The following SLC34A1 variants were observed in gnomAD, a reference collection of about 807,000 sequenced individuals.
SLC34A1 encodes the protein sodium-dependent phosphate transport protein 2A.
A neutral mutation model predicts 51.4 loss-of-function variants in SLC34A1; 57 were observed. The ratio of observed to expected loss-of-function variants is 1.11; its 90% CI spans 0.90 to 1.38. SLC34A1 has a LOEUF of 1.38. Ranked by LOEUF, SLC34A1 falls within the 40% of genes most tolerant of loss-of-function variation. SLC34A1 has a pLI of 0.00. For synonymous variants in SLC34A1, 368 were observed against 358.0 expected (o/e 1.03, Z -0.32); for missense variants, 796 against 835.6 (o/e 0.95, Z 0.58).
At position 177,393,908 on chromosome 5, in the gene SLC34A1, C is replaced by T. The variant is rs930367777; in HGVS notation, c.1007-120C>T. The T allele has an allele frequency of 5.5e-5, 83 of 1,502,550 alleles. No homozygotes were observed. In the African/African-American group the frequency reaches 8.5e-4, roughly 15 times the overall value. 93.1% of individuals were successfully genotyped at this position (1,502,550 alleles called of 1,614,324 possible). A position where few individuals can be genotyped will look rare whatever the true frequency, so the allele number is the denominator to read the frequency against. ...CAGCTCCTGAGCCTGGGTCAAGCTC[C>T]GGTGTTGAGGCTCAAGGAGCCTGAG... On this transcript the variant is annotated intron_variant, in intron 9 of 12. Coordinates refer to ENST00000324417, the MANE Select transcript of SLC34A1 (RefSeq NM_003052.5).
chr5:177,391,065 A>C (rs558653396), intron 8 of SLC34A1, among the ~76,000 whole-genome samples: 2 of 152,068 alleles, frequency 1.3e-5, no homozygotes, highest in Admixed American at 1.3e-4. Flanking sequence ...CACAGAGCCC[A>C]CCACCCGCTT....
At position 177,385,014 on chromosome 5, in the gene SLC34A1, G is replaced by A. The variant is rs117832432; in HGVS notation, c.-48+527G>A. Among the ~76,000 whole-genome samples the A allele has an allele frequency of 2.3e-3, 350 of 152,292 alleles. 8 individuals are homozygous for A. The East Asian group carries it at 0.056, about 24-fold the overall frequency. On this transcript the variant is annotated intron_variant, in intron 1 of 12. Transcript: ENST00000324417. ...ATAGCCAAGACTCCTGGGGCAGTGC[G>A]GGGACAAGGGGGGGCTGAGGCAAGC...
In SLC34A1 at chr5:177,386,455, G is replaced by A. The variant is rs138719745; in HGVS notation, c.421G>A (p.Ala141Thr). ...KVAGDIFKDN[A>T]ILSNPVAGLV... The stretch of plus-strand genomic sequence containing the variant: ...GGCTGGTGACATCTTCAAGGATAAC[G>A]CCATCCTGTCCAACCCGGTGGCCGG... The change falls in exon 5 of 13, where the codon GCC becomes ACC. Residue 141 changes from alanine to threonine, a missense_variant. Coordinates refer to ENST00000324417, the MANE Select transcript of SLC34A1 (RefSeq NM_003052.5). The surrounding 1 kb of genome is among the most constrained non-coding windows in gnomAD (Gnocchi z 4.8). 2.6e-5 allele frequency: 42 copies of A among 1,614,006 alleles called. No homozygotes were observed. Among genetic ancestry groups the A allele is most frequent in the African/African-American group, 1.5e-4 (11 of 74,940 alleles).
At chr5:177,394,878 C>G (rs140486387) in intron 10 of SLC34A1, among the ~76,000 whole-genome samples, 4,178 of 151,674 alleles carry the variant, frequency 0.028, 91 homozygotes, top group East Asian at 0.091. Context: ...TATTTTTAGT[C>G]GAGACAGGGT....
intron 12 of SLC34A1, chr5:177,397,462 G>A: frequency 1.9e-6 from 1 of 516,892 alleles, no homozygotes; most frequent in Non-Finnish European, 3.5e-6. Flanking sequence ...GACTGAATGA[G>A]GGTCCAGAAA....
At chr5:177,387,108 T>G (rs111689041) in intron 5 of SLC34A1, among the ~76,000 whole-genome samples, 3 of 151,870 alleles carry the variant, frequency 2.0e-5, no homozygotes, top group South Asian at 2.1e-4. Context: ...CAGTGGCTCA[T>G]GCCTGTAATC....
intron 8 of SLC34A1, among the ~76,000 whole-genome samples, chr5:177,392,840 C>G (rs1408704091): frequency 1.3e-5 from 2 of 152,196 alleles, no homozygotes; most frequent in Admixed American, 1.3e-4. Flanking sequence ...GCCTCCCACT[C>G]CTGGCCTCGA....
chr5:177,394,989 G>A (rs755922346), intron 10 of SLC34A1, among the ~76,000 whole-genome samples: 85 of 151,898 alleles, frequency 5.6e-4, no homozygotes, highest in Admixed American at 1.2e-3. Context: ...CACCGTGCCC[G>A]GCCGAGACTT....
At chr5:177,393,225 C>T (rs1046477473) in intron 8 of SLC34A1, among the ~76,000 whole-genome samples, 2 of 152,010 alleles carry the variant, frequency 1.3e-5, no homozygotes, top group African/African-American at 4.8e-5. Flanking sequence ...CCCCTTACAC[C>T]CCCTGAGGAT....
At position 177,396,936 on chromosome 5, in the gene SLC34A1, C is replaced by T; in HGVS notation, c.1292-14C>T. On this transcript the variant is annotated splice_polypyrimidine_tract_variant and intron_variant, in intron 11 of 12. Transcript: ENST00000324417. The surrounding 1 kb of genome is among the most constrained non-coding windows in gnomAD (Gnocchi z 4.0). ...AGACGCTGGGGGTCCCACTTCCTCTCCCTCTGTCCCCAGGTCTTGGTGTGA... is the reference window on the plus strand; with the variant it reads ...AGACGCTGGGGGTCCCACTTCCTCTTCCTCTGTCCCCAGGTCTTGGTGTGA... 1 of 1,614,152 alleles carries T rather than the reference C, an allele frequency of 6.2e-7. No individual in the cohort carries two copies. The highest frequency in any genetic ancestry group is 8.5e-7 in the Non-Finnish European group (1 of 1,180,028).
At chr5:177,397,120 C>G in intron 12 of SLC34A1, 46 bp downstream of exon 12, 16 of 1,602,280 alleles carry the variant, frequency 1.0e-5, no homozygotes, top group Non-Finnish European at 1.4e-5. Flanking sequence ...GGAGCTGCCT[C>G]TGGGGTGTGG....
chr5:177,389,372 C>A (rs1171483482), intron 8 of SLC34A1, among the ~76,000 whole-genome samples: 1 of 152,108 alleles, frequency 6.6e-6, no homozygotes. Flanking sequence ...TTCCCCTTCC[C>A]CTTCCCCTTG....
At chr5:177,389,654 A>T in intron 8 of SLC34A1, 1 of 1,537,274 alleles carries the variant, frequency 6.5e-7, no homozygotes. Flanking sequence ...TCTGGAAGGG[A>T]GAGAAATCAC....
chr5:177,388,570 AT>A lies in SLC34A1; in HGVS notation c.936+199del, dbSNP rs367565465. Among the ~76,000 whole-genome samples the A allele has an allele frequency of 1.3e-5, 2 of 152,164 alleles. No homozygotes were observed. The highest frequency in any genetic ancestry group is 4.8e-5 in the African/African-American group (2 of 41,508). On this transcript the variant is annotated intron_variant, in intron 8 of 12. Coordinates refer to ENST00000324417, the MANE Select transcript of SLC34A1 (RefSeq NM_003052.5). This position sits in a 1 kb window ranked among gnomAD's most constrained non-coding sequence, Gnocchi z 4.3. ...ACATCGCCTTAGGCAGACATCACCA[AT>A]CAATTAAAGTTGTTATGTAATTGAT...
In SLC34A1 at chr5:177,397,020, G is replaced by A. The variant is rs141180581; in HGVS notation, c.1362G>A (p.Thr454=). The change falls in exon 12 of 13, where the codon ACG becomes ACA. Residue 454 remains threonine, a synonymous_variant. Transcript: ENST00000324417. ...TLGSNIGTTT[T]AILAALASPR... is the part of the protein sequence containing the mutation. ...GTTCCAACATCGGCACCACCACCAC[G>A]GCCATCCTGGCTGCCCTGGCCAGCC... 144 of 1,614,080 alleles carry A rather than the reference G, an allele frequency of 8.9e-5. 1 individual carries two copies. The highest frequency in any genetic ancestry group is 5.3e-4 in the African/African-American group (40 of 75,060).
At chr5:177,395,371 G>A (rs150985656) in intron 10 of SLC34A1, among the ~76,000 whole-genome samples, 278 of 152,214 alleles carry the variant, frequency 1.8e-3, no homozygotes, top group African/African-American at 6.2e-3. Flanking sequence ...GCCACGATGC[G>A]GATGAAGAGC....
At chr5:177,389,446 C>T (rs1374206625) in intron 8 of SLC34A1, among the ~76,000 whole-genome samples, 1 of 152,054 alleles carries the variant, frequency 6.6e-6, no homozygotes, top group Non-Finnish European at 1.5e-5. Context: ...ACTCGCCCTG[C>T]GATGCTCCTT....
chr5:177,397,616 A>G, intron 12 of SLC34A1, 167 bp from the exon 13 acceptor site: 3 of 814,126 alleles, frequency 3.7e-6, no homozygotes. Context: ...TTGCATAGCC[A>G]GCATAGCCAC....
At chr5:177,391,606 C>T (rs1248906675) in intron 8 of SLC34A1, among the ~76,000 whole-genome samples, 1 of 152,212 alleles carries the variant, frequency 6.6e-6, no homozygotes, top group Non-Finnish European at 1.5e-5. Context: ...TCCTCCCCAA[C>T]AGGGCTAGGG....
Sources: gnomAD v4.1 joint callset for allele counts (sites outside exome capture counted in the v4.1 genomes callset) on GRCh38, gnomAD v4.1.1 for gene constraint, Gnocchi (gnomAD v3.1) non-coding constraint, MANE v1.5 for transcripts, NCBI Gene and HGNC (gene_info 2026-07-23, HGNC 2026-07-21) for gene names.